NPM3: variants seen among roughly 807,000 people sequenced by gnomAD.
NPM3 encodes nucleoplasmin-3.
Under a neutral mutation model 18.1 loss-of-function variants are expected in NPM3, and 12 were observed. The observed-to-expected ratio is 0.66, with a 90% confidence interval of 0.42 to 1.07. The LOEUF is 1.07. Ranked by LOEUF, NPM3 falls within the 50% of genes least tolerant of loss-of-function variation. The pLI, the probability that NPM3 is intolerant of heterozygous loss-of-function variation, is 0.00. For missense variants in NPM3, 274 were observed against 232.1 expected, an observed-to-expected ratio of 1.18 and a Z score of -1.17; for synonymous variants, 116 against 93.7, an observed-to-expected ratio of 1.24 and a Z score of -1.38.
Position 101,782,433 on chromosome 10 carries a change from T to TCACCACCAC in NPM3, c.324+36_324+44dup, listed in dbSNP as rs561586403. On this transcript the variant is annotated intron_variant, in intron 3 of 5. Transcript: ENST00000370110. ...ATGAGTGCTAACGTCCTCAATCCCC[T>TCACCACCAC]CACCACCACCACCACCACCACCAAG... is the stretch of plus-strand genomic sequence containing the variant. 6.7e-4 allele frequency: 1,078 copies of TCACCACCAC among 1,600,114 alleles called. 1 individual carries two copies. The highest frequency in any genetic ancestry group is 8.6e-4 in the Non-Finnish European group (1,005 of 1,172,636).
At chr10:101,782,747 T>C (rs761821359) in intron 2 of NPM3, 92 bp downstream of exon 2, 93 of 1,569,820 alleles carry the variant, frequency 5.9e-5, no homozygotes, top group Non-Finnish European at 8.0e-5. Context: ...GCTGAGGATG[T>C]GTCTCCAAGT....
At chr10:101,781,625 G>A in exon 6 of NPM3, 1 of 1,214,740 alleles carries the variant, frequency 8.2e-7, no homozygotes. Context: ...ATGGCACATG[G>A]AGCTGACCTG....
chr10:101,783,387 C>G (rs756454228), exon 1 of NPM3: 2 of 1,605,718 alleles, frequency 1.2e-6, no homozygotes, highest in Non-Finnish European at 1.7e-6. Flanking sequence ...GTACCGGCGG[C>G]CATGCTGTAA....
At chr10:101,782,900 C>T (rs776991081) in exon 2 of NPM3, 3 of 1,614,092 alleles carry the variant, frequency 1.9e-6, no homozygotes, top group Non-Finnish European at 2.5e-6. Flanking sequence ...GGTGAAGGAG[C>T]GGGTGTGGCC....
chr10:101,782,087 T>C (rs377055858), intron 4 of NPM3, among the ~76,000 whole-genome samples, 171 bp downstream of exon 4: 1 of 151,842 alleles, frequency 6.6e-6, no homozygotes, highest in Non-Finnish European at 1.5e-5. Context: ...TAGGCTTGAG[T>C]AGACGGAAAG....
chr10:101,782,430 C>A, intron 3 of NPM3, 48 bp downstream of exon 3: 2 of 1,600,694 alleles, frequency 1.2e-6, no homozygotes, highest in Admixed American at 1.7e-5. Context: ...GTCCTCAATC[C>A]CCTCACCACC....
exon 4 of NPM3, chr10:101,782,313 G>C: frequency 6.2e-7 from 1 of 1,614,060 alleles, no homozygotes; most frequent in Non-Finnish European, 8.5e-7. Context: ...TCAGGCGGAA[G>C]GTTACAGGTG....
intron 4 of NPM3, 131 bp from the exon 5 acceptor site, chr10:101,781,985 G>A: frequency 6.7e-7 from 1 of 1,491,218 alleles, no homozygotes; most frequent in Non-Finnish European, 9.2e-7. Flanking sequence ...GGCTAGGTGG[G>A]AAGAACCTCA....
chr10:101,781,561 A>C, exon 6 of NPM3: 1 of 292,186 alleles, frequency 3.4e-6, no homozygotes, highest in Non-Finnish European at 6.4e-6. Flanking sequence ...CTCTTCAAGG[A>C]AGAAATATTT....
At chr10:101,783,227 C>T in intron 1 of NPM3, 46 bp downstream of exon 1, 3 of 1,388,718 alleles carry the variant, frequency 2.2e-6, no homozygotes, top group Non-Finnish European at 3.0e-6. Context: ...ACATCCCTAC[C>T]TCTTACCGCC....
At position 101,781,874 on chromosome 10, in the gene NPM3, T is replaced by C. The variant is rs1014648322; in HGVS notation, c.419-20A>G. The C allele has an allele frequency of 5.0e-6, 8 of 1,613,954 alleles. No homozygotes were observed. Among genetic ancestry groups the C allele is most frequent in the Non-Finnish European group, 2.5e-6 (3 of 1,180,026 alleles). The stretch of plus-strand genomic sequence containing the variant: ...TCGTAACTGGTGGACACACAAGCAG[T>C]AGAAGGATGGGGTGTTAAGACCAGA... On this transcript the variant is annotated intron_variant, in intron 4 of 5. Transcript: ENST00000370110.
At chr10:101,782,571 G>A in exon 3 of NPM3, 3 of 1,613,996 alleles carry the variant, frequency 1.9e-6, no homozygotes, top group Non-Finnish European at 2.5e-6. Flanking sequence ...CATTACACTC[G>A]TCTTTGGCTC....
exon 1 of NPM3, chr10:101,783,281 A>C: frequency 6.2e-7 from 1 of 1,604,804 alleles, no homozygotes; most frequent in Non-Finnish European, 8.5e-7. Context: ...ACCGAAGAAA[A>C]AACTGTCCAT....
exon 4 of NPM3, chr10:101,782,335 A>G: frequency 6.2e-7 from 1 of 1,613,936 alleles, no homozygotes; most frequent in South Asian, 1.1e-5. Context: ...TTGGAGCTGG[A>G]AGTCATCCAG....
exon 1 of NPM3, chr10:101,783,303 C>T: frequency 1.2e-6 from 2 of 1,612,158 alleles, no homozygotes; most frequent in South Asian, 2.2e-5. Flanking sequence ...GTGACCGGGG[C>T]CGGGACCCGT....
chr10:101,782,113 G>A lies in NPM3; in HGVS notation c.418+145C>T, dbSNP rs2065145577. The A allele has an allele frequency of 8.0e-6, 7 of 879,330 alleles. No individual in the cohort carries two copies. The South Asian group carries it at 1.1e-4, about 14-fold the overall frequency. The allele number at this position is 879,330 out of a possible 1,614,324, so 54.5% of individuals were successfully genotyped here. ...AGACGGAAAGGAGAGGGCATGTCAT[G>A]CACAGGGCACAGCGTGGAGGGCACA... On this transcript the variant is annotated intron_variant, in intron 4 of 5. Coordinates refer to ENST00000370110, the Ensembl canonical transcript of NPM3.
intron 4 of NPM3, 25 bp from the exon 5 acceptor site, chr10:101,781,879 G>A (rs779921032): frequency 7.4e-6 from 12 of 1,614,018 alleles, no homozygotes; most frequent in Non-Finnish European, 1.0e-5. Flanking sequence ...AGCAGTAGAA[G>A]GATGGGGTGT....
exon 4 of NPM3, chr10:101,782,320 G>A: frequency 6.2e-7 from 1 of 1,614,010 alleles, no homozygotes; most frequent in East Asian, 2.2e-5. Flanking sequence ...GAAGGTTACA[G>A]GTGGTTGGAG....
intron 1 of NPM3, 72 bp downstream of exon 1, chr10:101,783,201 T>C (rs1450509515): frequency 8.4e-7 from 1 of 1,188,236 alleles, no homozygotes; most frequent in Non-Finnish European, 1.2e-6. Context: ...CTTGAAACCC[T>C]CCGCATTCCC....
Sources: gnomAD v4.1 joint callset for allele counts (sites outside exome capture counted in the v4.1 genomes callset) on GRCh38, gnomAD v4.1.1 for gene constraint, MANE v1.5 for transcripts, NCBI Gene and HGNC (gene_info 2026-07-23, HGNC 2026-07-21) for gene names.